Variants in MYO18B observed in about 807,000 individuals in gnomAD.
The protein encoded by MYO18B is myosin XVIIIB.
In MYO18B, 204 loss-of-function variants were observed where a neutral mutation model predicts 273.0. The observed-to-expected ratio is 0.75, with a 90% CI of 0.67 to 0.84. The LOEUF (loss-of-function observed/expected upper bound fraction) is 0.84. Among genes scored for constraint, MYO18B ranks in the 40% least tolerant of loss-of-function variants. The pLI is 0.00. For synonymous variants in MYO18B, 1,330 were observed against 1,305.7 expected, an observed-to-expected ratio of 1.02 and a Z score of -0.40; for missense variants, 3,212 against 3,287.6, an observed-to-expected ratio of 0.98 and a Z score of 0.56.
chr22:25,762,374 A>T (rs886693559), intron 2 of MYO18B, among the ~76,000 whole-genome samples: 3 of 152,250 alleles, frequency 2.0e-5, no homozygotes, highest in African/African-American at 7.2e-5. Context: ...TAAGGAGGCT[A>T]TTTTAGACCA....
intron 17 of MYO18B, among the ~76,000 whole-genome samples, chr22:25,841,163 G>C (rs534256812): frequency 1.3e-5 from 2 of 152,328 alleles, no homozygotes; most frequent in Admixed American, 1.3e-4. Context: ...ACAGTGGACA[G>C]TCAGGTGACA....
At chr22:25,994,290 G>A (rs1932999229) in intron 40 of MYO18B, among the ~76,000 whole-genome samples, 1 of 152,124 alleles carries the variant, frequency 6.6e-6, no homozygotes, top group African/African-American at 2.4e-5. Context: ...AACATAAGGA[G>A]TCTCCATCTC....
In MYO18B at chr22:25,770,869, C is replaced by A. The variant is rs116484102; in HGVS notation, c.1580-3C>A. ...CCCTTCTCTCTCTGGGATGTCCAAC[C>A]AGCTACGGTGCTAAAGCCAGATGAG... On this transcript the variant is annotated splice_region_variant and splice_polypyrimidine_tract_variant and intron_variant, in intron 5 of 43. Coordinates refer to ENST00000335473, the MANE Select transcript of MYO18B (RefSeq NM_032608.7). 1,858 of 1,550,836 alleles carry A rather than the reference C, an allele frequency of 1.2e-3. 20 individuals carry two copies. In the African/African-American group the frequency reaches 0.022, roughly 19 times the overall value.
chr22:25,783,093 T>C (rs1037048637), intron 10 of MYO18B, among the ~76,000 whole-genome samples: 26 of 152,240 alleles, frequency 1.7e-4, no homozygotes, highest in African/African-American at 6.0e-4. Flanking sequence ...ACAATACTTC[T>C]TAAAATAGTG....
intron 34 of MYO18B, among the ~76,000 whole-genome samples, chr22:25,936,119 G>T (rs988474822): frequency 6.6e-6 from 1 of 152,226 alleles, no homozygotes; most frequent in Non-Finnish European, 1.5e-5. Context: ...TGCTGTTTAG[G>T]GGAGCAAAGG....
At chr22:25,997,875 G>T (rs889708570) in intron 40 of MYO18B, among the ~76,000 whole-genome samples, 1 of 150,350 alleles carries the variant, frequency 6.7e-6, no homozygotes, top group African/African-American at 2.5e-5. Flanking sequence ...CTGGTTCGAG[G>T]TACTTCTCCA....
intron 1 of MYO18B, among the ~76,000 whole-genome samples, chr22:25,752,996 C>G (rs976779065): frequency 1.3e-5 from 2 of 152,214 alleles, no homozygotes; most frequent in African/African-American, 4.8e-5. Context: ...CTGGCCCGCC[C>G]GCGCTGCGCT....
chr22:25,944,287 T>C lies in MYO18B; in HGVS notation c.5518-1850T>C, dbSNP rs572347179. Among the ~76,000 whole-genome samples, 61 of 152,276 alleles carry C rather than the reference T, an allele frequency of 4.0e-4. 1 individual carries two copies. In the South Asian group the frequency reaches 0.012, roughly 31 times the overall value. ...TCTCAGTGTGTCTCAATCCCTCCCA[T>C]TTGCCGACTGAAATGGGCCCCCAGC... On this transcript the variant is annotated intron_variant, in intron 34 of 43. Coordinates refer to ENST00000335473, the MANE Select transcript of MYO18B (RefSeq NM_032608.7).
chr22:25,847,970 C>G (rs1041188057), intron 20 of MYO18B, among the ~76,000 whole-genome samples: 2 of 131,638 alleles, frequency 1.5e-5, no homozygotes, highest in African/African-American at 5.7e-5. Context: ...CACACACACA[C>G]ACACAAAATG....
At chr22:25,788,108 G>C (rs1164432748) in intron 11 of MYO18B, among the ~76,000 whole-genome samples, 1 of 152,092 alleles carries the variant, frequency 6.6e-6, no homozygotes, top group African/African-American at 2.4e-5. Context: ...TATTTCTGTG[G>C]GGCATTTTTT....
intron 13 of MYO18B, 39 bp downstream of exon 13, chr22:25,823,717 C>T: frequency 1.9e-6 from 3 of 1,605,104 alleles, no homozygotes; most frequent in Non-Finnish European, 2.6e-6. Context: ...CTGGGCCCCC[C>T]TCTGGGCCAG....
At chr22:25,896,691 T>C (rs991723708) in intron 28 of MYO18B, 16 of 151,960 alleles carry the variant, frequency 1.1e-4, no homozygotes, top group African/African-American at 3.4e-4. Flanking sequence ...GGCCTCCAAC[T>C]ATCCCTCGTC....
intron 42 of MYO18B, among the ~76,000 whole-genome samples, chr22:26,013,450 CAATT>C (rs980466550): frequency 1.9e-4 from 29 of 151,996 alleles, no homozygotes; most frequent in African/African-American, 7.0e-4. Flanking sequence ...TATTAATAGA[CAATT>C]AGGTTGTTTA....
At chr22:25,996,287 G>A (rs1601788642) in intron 40 of MYO18B, among the ~76,000 whole-genome samples, 1 of 151,616 alleles carries the variant, frequency 6.6e-6, no homozygotes, top group Non-Finnish European at 1.5e-5. Flanking sequence ...ATCATCAATT[G>A]CATTCATTCA....
At chr22:25,859,958 T>A (rs1182830337) in intron 21 of MYO18B, among the ~76,000 whole-genome samples, 2 of 152,208 alleles carry the variant, frequency 1.3e-5, no homozygotes, top group African/African-American at 4.8e-5. Flanking sequence ...ACAAGATTTG[T>A]AGTTTTAGCT....
At chr22:25,844,139 T>C (rs2090166629) in intron 18 of MYO18B, among the ~76,000 whole-genome samples, 1 of 152,214 alleles carries the variant, frequency 6.6e-6, no homozygotes, top group South Asian at 2.1e-4. Context: ...GCTAAAAAGC[T>C]GTGACTTCTT....
chr22:25,895,041 T>G (rs2091763522), intron 27 of MYO18B, 115 bp from the exon 28 acceptor site: 8 of 1,268,704 alleles, frequency 6.3e-6, no homozygotes, highest in Non-Finnish European at 8.7e-6. Flanking sequence ...TCAAGGGCTC[T>G]GTGAATATTG....
intron 35 of MYO18B, 69 bp downstream of exon 35, chr22:25,946,319 A>C: frequency 9.1e-7 from 1 of 1,097,694 alleles, no homozygotes; most frequent in Non-Finnish European, 1.3e-6. Flanking sequence ...GTGTGGGCCT[A>C]GTGTGCGCTC....
intron 21 of MYO18B, among the ~76,000 whole-genome samples, chr22:25,867,992 T>A (rs931426399): frequency 1.6e-4 from 24 of 152,198 alleles, no homozygotes; most frequent in Non-Finnish European, 3.5e-4. Context: ...GATCATCTGG[T>A]AATTCTATGT....
Sources: gnomAD v4.1 joint callset for allele counts (sites outside exome capture counted in the v4.1 genomes callset) on GRCh38, gnomAD v4.1.1 for gene constraint, MANE v1.5 for transcripts, NCBI Gene and HGNC (gene_info 2026-07-23, HGNC 2026-07-21) for gene names.